Variants in C12orf42 observed in about 807,000 individuals in gnomAD.
The protein encoded by C12orf42 is uncharacterized protein C12orf42.
Under a neutral mutation model 21.6 loss-of-function variants are expected in C12orf42, and 25 were observed. The observed-to-expected ratio is 1.16, with a 90% CI of 0.84 to 1.62. The LOEUF (loss-of-function observed/expected upper bound fraction) is 1.62, where lower values mean the gene tolerates loss of function less well. Ranked by LOEUF, C12orf42 falls within the 40% of genes most tolerant of loss-of-function variation. The pLI, the probability that C12orf42 is intolerant of heterozygous loss-of-function variation, is 0.00. For missense variants in C12orf42, 483 were observed against 459.3 expected (o/e 1.05, Z -0.47); for synonymous variants, 174 against 175.0 (o/e 0.99, Z 0.05).
At chr12:103,450,023 T>A (rs867006789) in intron 2 of C12orf42, among the ~76,000 whole-genome samples, 1 of 152,036 alleles carries the variant, frequency 6.6e-6, no homozygotes, top group Non-Finnish European at 1.5e-5. Context: ...ATATCTTGTA[T>A]TATTGAATTT....
the C12orf42 span, among the ~76,000 whole-genome samples, chr12:103,110,045 T>TA: frequency 6.3e-3 from 961 of 152,046 alleles, 6 homozygotes; most frequent in African/African-American, 0.022. Context: ...TCTCAAAAAA[T>TA]AAAAAATAAA....
the C12orf42 span, among the ~76,000 whole-genome samples, chr12:103,125,987 C>T: frequency 6.6e-6 from 1 of 152,156 alleles, no homozygotes; most frequent in African/African-American, 2.4e-5. Context: ...TGCCCTAACT[C>T]AGAGTTACTA....
chr12:103,104,243 T>C, the C12orf42 span, among the ~76,000 whole-genome samples: 1 of 152,140 alleles, frequency 6.6e-6, no homozygotes, highest in Non-Finnish European at 1.5e-5. Context: ...ATAAAACGCA[T>C]ACACGTATTG....
chr12:103,140,620 A>G, the C12orf42 span, among the ~76,000 whole-genome samples: 1 of 152,242 alleles, frequency 6.6e-6, no homozygotes, highest in Admixed American at 6.5e-5. Context: ...AAGATGATGA[A>G]GCATTTAAAC....
At chr12:103,273,921 T>C (rs1282396988) in intron 5 of C12orf42, 2 of 456,030 alleles carry the variant, frequency 4.4e-6, no homozygotes, top group East Asian at 6.9e-5. Context: ...AGCAGAAAAG[T>C]GCTTTTCGCA....
downstream of C12orf42, among the ~76,000 whole-genome samples, chr12:103,297,452 CA>C: frequency 6.6e-6 from 1 of 152,302 alleles, no homozygotes; most frequent in South Asian, 2.1e-4. Context: ...GAAATTGAGG[CA>C]ATAATTAATA....
chr12:103,257,860 A>G (rs2034689241), intron 10 of C12orf42, among the ~76,000 whole-genome samples: 1 of 152,034 alleles, frequency 6.6e-6, no homozygotes, highest in South Asian at 2.1e-4. Flanking sequence ...TTGAAACAAC[A>G]TACTGACTAC....
intron 10 of C12orf42, among the ~76,000 whole-genome samples, chr12:103,252,939 G>A (rs1187861268): frequency 2.0e-5 from 3 of 151,966 alleles, no homozygotes; most frequent in African/African-American, 7.3e-5. Flanking sequence ...AATGTTTTAG[G>A]TCTTACGTTT....
chr12:103,538,282 T>C, the C12orf42 span, among the ~76,000 whole-genome samples: 1 of 152,216 alleles, frequency 6.6e-6, no homozygotes, highest in Non-Finnish European at 1.5e-5. Context: ...CCAGAAAGGT[T>C]TGCTGAAGAG....
chr12:103,221,614 A>G, the C12orf42 span, among the ~76,000 whole-genome samples: 1 of 152,176 alleles, frequency 6.6e-6, no homozygotes, highest in Non-Finnish European at 1.5e-5. Context: ...TCTAAATGTT[A>G]GTTACTCAAG....
chr12:103,251,028 T>A (rs1403988624), intron 10 of C12orf42, among the ~76,000 whole-genome samples: 1 of 152,116 alleles, frequency 6.6e-6, no homozygotes, highest in East Asian at 1.9e-4. Context: ...TAAGTGACAA[T>A]CACTCATTCA....
the C12orf42 span, among the ~76,000 whole-genome samples, chr12:103,525,031 T>G: frequency 6.6e-6 from 1 of 152,094 alleles, no homozygotes; most frequent in African/African-American, 2.4e-5. Flanking sequence ...TGTTTTGTTT[T>G]GTTTGAGACA....
chr12:103,330,385 A>G (rs2041139783), intron 4 of C12orf42, among the ~76,000 whole-genome samples: 1 of 152,204 alleles, frequency 6.6e-6, no homozygotes, highest in Non-Finnish European at 1.5e-5. Flanking sequence ...CATTGGAGGT[A>G]CGGGAATTAC....
chr12:103,550,797 T>C, the C12orf42 span: 1 of 152,146 alleles, frequency 6.6e-6, no homozygotes. Context: ...ATTATATGTA[T>C]CTTGCCTCAT....
At chr12:103,072,896 T>TATGG in the C12orf42 span, among the ~76,000 whole-genome samples, 1 of 152,202 alleles carries the variant, frequency 6.6e-6, no homozygotes, top group African/African-American at 2.4e-5. Context: ...ATTGTAGCAG[T>TATGG]ATTCACAATA....
intron 4 of C12orf42, among the ~76,000 whole-genome samples, chr12:103,308,182 AG>A (rs2038566041): frequency 6.6e-6 from 1 of 152,220 alleles, no homozygotes. Flanking sequence ...TAAAGTACTT[AG>A]GGTAGTAGTT....
chr12:103,472,967 G>A (rs1012167258), intron 2 of C12orf42, among the ~76,000 whole-genome samples: 1 of 152,088 alleles, frequency 6.6e-6, no homozygotes, highest in Non-Finnish European at 1.5e-5. Context: ...AGATTTGCAG[G>A]GCTTTTAGTT....
chr12:103,496,305 C>T (rs915422078), upstream of C12orf42, among the ~76,000 whole-genome samples: 1 of 152,118 alleles, frequency 6.6e-6, no homozygotes, highest in African/African-American at 2.4e-5. Context: ...TCATCTGCCT[C>T]GAATTGTAAA....
chr12:103,118,654 CA>C, the C12orf42 span, among the ~76,000 whole-genome samples: 3 of 151,508 alleles, frequency 2.0e-5, no homozygotes. Context: ...AAAGATTAGC[CA>C]GGCGTGGTGG....
Sources: allele counts gnomAD v4.1 joint callset (sites outside exome capture counted in the v4.1 genomes callset), GRCh38; gene constraint gnomAD v4.1.1; transcripts MANE v1.5; gene names NCBI Gene and HGNC (gene_info 2026-07-23, HGNC 2026-07-21).